TMEM132C: variants seen among roughly 807,000 people sequenced by gnomAD.
TMEM132C encodes the protein protein phosphatase 1, regulatory subunit 152.
Under a neutral mutation model 61.4 loss-of-function variants are expected in TMEM132C, and 29 were observed. The ratio of observed to expected loss-of-function variants is 0.47; its 90% CI spans 0.35 to 0.64. TMEM132C has a LOEUF of 0.64. Ranked by LOEUF, TMEM132C falls within the 30% of genes least tolerant of loss-of-function variation. TMEM132C has a pLI of 0.00. For missense variants in TMEM132C, 1,408 were observed against 1,476.9 expected (o/e 0.95, Z 0.76); for synonymous variants, 656 against 633.1 (o/e 1.04, Z -0.54).
chr12:128,598,137 C>T (rs1876038407), intron 3 of TMEM132C, among the ~76,000 whole-genome samples: 1 of 152,180 alleles, frequency 6.6e-6, no homozygotes, highest in Admixed American at 6.5e-5. Flanking sequence ...TTGGAGGAGG[C>T]TGGGCACGGT....
At chr12:128,372,203 C>G (rs892627847) in intron 1 of TMEM132C, among the ~76,000 whole-genome samples, 1 of 152,194 alleles carries the variant, frequency 6.6e-6, no homozygotes, top group Non-Finnish European at 1.5e-5. Flanking sequence ...AGTCCTATGA[C>G]ATTGAGTCCG....
At chr12:128,285,327 A>T (rs1048641585) in intron 1 of TMEM132C, among the ~76,000 whole-genome samples, 1 of 152,198 alleles carries the variant, frequency 6.6e-6, no homozygotes. Context: ...TCAGAATATC[A>T]TATTGTACCC....
intron 1 of TMEM132C, among the ~76,000 whole-genome samples, chr12:128,392,052 GTCTCTC>G (rs1555221996): frequency 5.6e-5 from 7 of 125,638 alleles, no homozygotes; most frequent in South Asian, 2.8e-4. Context: ...CTCTGTCTCT[GTCTCTC>G]TCTCTTTCTC....
intron 2 of TMEM132C, among the ~76,000 whole-genome samples, chr12:128,457,046 A>G (rs899455233): frequency 6.6e-6 from 1 of 152,118 alleles, no homozygotes; most frequent in African/African-American, 2.4e-5. Flanking sequence ...TTTGCTTGTC[A>G]TTCATCTGGT....
chr12:128,273,151 T>G (rs1378499603), intron 1 of TMEM132C, among the ~76,000 whole-genome samples: 1 of 152,052 alleles, frequency 6.6e-6, no homozygotes, highest in Non-Finnish European at 1.5e-5. Context: ...GAGAGAAGAG[T>G]ATTGAGGTCT....
chr12:128,637,609 G>T (rs1853110292), intron 4 of TMEM132C, among the ~76,000 whole-genome samples: 1 of 152,078 alleles, frequency 6.6e-6, no homozygotes, highest in South Asian at 2.1e-4. Context: ...TTGCTACATT[G>T]CCCGGGCTGG....
At chr12:128,417,533 T>G (rs11829337) in intron 2 of TMEM132C, among the ~76,000 whole-genome samples, 1 of 152,118 alleles carries the variant, frequency 6.6e-6, no homozygotes, top group Non-Finnish European at 1.5e-5. Flanking sequence ...ACCTCAATTC[T>G]GATCCTATCT....
chr12:128,508,293 G>A (rs11059730), intron 2 of TMEM132C, among the ~76,000 whole-genome samples: 27,521 of 152,080 alleles, frequency 0.18, 3,786 homozygotes, highest in African/African-American at 0.38. Flanking sequence ...CCGTGATTCA[G>A]TTATCGCCCA....
chr12:128,702,514 G>A (rs561260597), intron 8 of TMEM132C, among the ~76,000 whole-genome samples: 1 of 152,194 alleles, frequency 6.6e-6, no homozygotes, highest in Admixed American at 6.5e-5. Context: ...CTGTGTAAAT[G>A]TTTAACACAA....
chr12:128,504,268 G>A (rs1872277932), intron 2 of TMEM132C, among the ~76,000 whole-genome samples: 1 of 152,176 alleles, frequency 6.6e-6, no homozygotes, highest in African/African-American at 2.4e-5. Flanking sequence ...CACACTTGAA[G>A]TTGTGCCAAT....
intron 2 of TMEM132C, among the ~76,000 whole-genome samples, chr12:128,418,166 T>G (rs1403921681): frequency 6.6e-6 from 1 of 152,196 alleles, no homozygotes; most frequent in Non-Finnish European, 1.5e-5. Flanking sequence ...TAAAAGCAAT[T>G]GCTCATGAGA....
chr12:128,583,730 C>T (rs1875435069), intron 3 of TMEM132C, among the ~76,000 whole-genome samples: 1 of 152,208 alleles, frequency 6.6e-6, no homozygotes, highest in African/African-American at 2.4e-5. Flanking sequence ...GGCCCAGTGG[C>T]CACACAGCAG....
At chr12:128,379,676 G>T (rs1874339969) in intron 1 of TMEM132C, among the ~76,000 whole-genome samples, 1 of 152,180 alleles carries the variant, frequency 6.6e-6, no homozygotes. Flanking sequence ...ACCTGTCATT[G>T]GATTAAGAGT....
rs530517559 is a variant in TMEM132C at position 128,633,482 on chromosome 12, T to A, written c.1305+17147T>A. Among the ~76,000 whole-genome samples, 51 of 152,354 alleles carry A rather than the reference T, an allele frequency of 3.3e-4. 2 individuals are homozygous for A. The highest frequency in any genetic ancestry group is 1.2e-3 in the African/African-American group (51 of 41,598). ...CATCACCCTGACAATAAATATAAAGTGTGACTGTGTCATCTTGAGTTTCAA... is the reference window on the plus strand; with the variant it reads ...CATCACCCTGACAATAAATATAAAGAGTGACTGTGTCATCTTGAGTTTCAA... On this transcript the variant is annotated intron_variant, in intron 4 of 8. Coordinates refer to ENST00000435159, the MANE Select transcript of TMEM132C (RefSeq NM_001136103.3).
At chr12:128,447,820 G>A (rs1333257448) in intron 2 of TMEM132C, among the ~76,000 whole-genome samples, 2 of 101,562 alleles carry the variant, frequency 2.0e-5, no homozygotes, top group Admixed American at 1.1e-4. Flanking sequence ...TCCGCCTCCC[G>A]GGTTCACGCC....
intron 2 of TMEM132C, among the ~76,000 whole-genome samples, chr12:128,526,907 G>A (rs1031198874): frequency 5.9e-5 from 9 of 152,176 alleles, no homozygotes; most frequent in Admixed American, 5.9e-4. Flanking sequence ...GCAACAGCAT[G>A]GGGAACAGAT....
chr12:128,523,132 G>A (rs1366933322), intron 2 of TMEM132C, among the ~76,000 whole-genome samples: 2 of 152,178 alleles, frequency 1.3e-5, no homozygotes, highest in South Asian at 2.1e-4. Flanking sequence ...TGCGAACACC[G>A]TGCTAAGTGA....
intron 3 of TMEM132C, among the ~76,000 whole-genome samples, chr12:128,592,269 T>C (rs1176948199): frequency 6.6e-6 from 1 of 152,166 alleles, no homozygotes; most frequent in Non-Finnish European, 1.5e-5. Flanking sequence ...TTTACACGCC[T>C]GTATCGCTTC....
rs1248211122 is a variant in TMEM132C, at chr12:128,706,245, G to A, written c.3277G>A (p.Ala1093Thr). 7 of 1,550,960 alleles carry A rather than the reference G, an allele frequency of 4.5e-6. No homozygotes were observed. Among genetic ancestry groups the A allele is most frequent in the East Asian group, 2.4e-5 (1 of 40,918 alleles). The stretch of plus-strand genomic sequence containing the variant: ...GGTGTGTCAAGACGTGGCTGTGGGT[G>A]CCCCCAAGGAACTTAGAAACTATCT... ...KWVCQDVAVG[A>T]PKELRNYLEK... The change falls in exon 9 of 9, where the codon GCC (alanine) becomes ACC (threonine). Residue 1093 changes from alanine to threonine, a missense_variant. Physicochemically the swap from Ala to Thr is moderately conservative, Grantham distance 58. Coordinates refer to ENST00000435159, the MANE Select transcript of TMEM132C (RefSeq NM_001136103.3).
Sources: allele counts gnomAD v4.1 joint callset (sites outside exome capture counted in the v4.1 genomes callset), GRCh38; gene constraint gnomAD v4.1.1; transcripts MANE v1.5; gene names NCBI Gene and HGNC (gene_info 2026-07-23, HGNC 2026-07-21).